The following BCL2L13 variants were observed in gnomAD, a reference collection of about 807,000 sequenced individuals.
BCL2L13 encodes the protein bcl-2-like protein 13.
Under a neutral mutation model 25.8 loss-of-function variants are expected in BCL2L13, and 13 were observed. The ratio of observed to expected loss-of-function variants is 0.50; its 90% CI spans 0.33 to 0.80. BCL2L13 has a LOEUF of 0.80. Ranked by LOEUF, BCL2L13 falls within the 30% of genes least tolerant of loss-of-function variation. The pLI, the probability that BCL2L13 is intolerant of heterozygous loss-of-function variation, is 0.02. For synonymous variants in BCL2L13, 244 were observed against 230.3 expected, an observed-to-expected ratio of 1.06 and a Z score of -0.54; for missense variants, 504 against 574.9, an observed-to-expected ratio of 0.88 and a Z score of 1.26.
At chr22:17,710,657 A>G (rs1056268566) in intron 6 of BCL2L13, among the ~76,000 whole-genome samples, 1 of 151,984 alleles carries the variant, frequency 6.6e-6, no homozygotes, top group Non-Finnish European at 1.5e-5. Flanking sequence ...TGGGCAGATC[A>G]CGAGGTCAGG....
At position 17,680,215 on chromosome 22, in the gene BCL2L13, C is replaced by CA. The variant is rs71201867; in HGVS notation, c.122-2985dup. ...GGGCAGCAAGGGCGTAACTCTCTCTCAAAAAAAAAAAAAAGCTGGGCACGG... is the reference window on the plus strand; with the variant it reads ...GGGCAGCAAGGGCGTAACTCTCTCTCAAAAAAAAAAAAAAAGCTGGGCACGG... On this transcript the variant is annotated intron_variant, in intron 2 of 6. Transcript: ENST00000317582. Among the ~76,000 whole-genome samples, 67 of 67,050 alleles carry CA rather than the reference C, an allele frequency of 1.0e-3. 2 individuals carry two copies. The highest frequency in any genetic ancestry group is 6.0e-3 in the South Asian group (10 of 1,654). 44.0% of individuals were successfully genotyped at this position (67,050 alleles called of 152,430 possible). A position where few individuals can be genotyped will look rare whatever the true frequency, so the allele number is the denominator to read the frequency against.
chr22:17,678,974 G>A (rs1401803894), intron 2 of BCL2L13, among the ~76,000 whole-genome samples: 1 of 152,090 alleles, frequency 6.6e-6, no homozygotes, highest in East Asian at 1.9e-4. Flanking sequence ...CCCAGGTAGG[G>A]GCTTCATTGT....
chr22:17,682,657 A>G (rs1443797045), intron 2 of BCL2L13, among the ~76,000 whole-genome samples: 1 of 152,134 alleles, frequency 6.6e-6, no homozygotes, highest in East Asian at 1.9e-4. Context: ...ATTCAGCTCA[A>G]TTTCCCTGTT....
At chr22:17,722,378 G>GCGCGTGT (rs1491171137) in intron 6 of BCL2L13, among the ~76,000 whole-genome samples, 1 of 122,066 alleles carries the variant, frequency 8.2e-6, no homozygotes. Flanking sequence ...AGACTACAGG[G>GCGCGTGT]GTGTGTGTGT....
intron 3 of BCL2L13, among the ~76,000 whole-genome samples, chr22:17,683,679 A>G (rs1295778458): frequency 6.6e-6 from 1 of 152,116 alleles, no homozygotes; most frequent in Non-Finnish European, 1.5e-5. Flanking sequence ...ATACGCTTTT[A>G]TTTTTGCATA....
chr22:17,629,218 G>A (rs2057952645), intron 1 of BCL2L13, among the ~76,000 whole-genome samples: 1 of 152,024 alleles, frequency 6.6e-6, no homozygotes, highest in Admixed American at 6.6e-5. Context: ...AAAAAAAAAG[G>A]GGGATACATG....
At chr22:17,654,043 C>T (rs541061144) in intron 1 of BCL2L13, among the ~76,000 whole-genome samples, 1 of 152,168 alleles carries the variant, frequency 6.6e-6, no homozygotes, top group South Asian at 2.1e-4. Context: ...GAGTACCTTG[C>T]AGCTTAATAA....
At chr22:17,726,604 T>C (rs1447830442) in intron 6 of BCL2L13, 73 bp from the exon 7 acceptor site, 6 of 1,508,776 alleles carry the variant, frequency 4.0e-6, no homozygotes, top group Non-Finnish European at 5.4e-6. Context: ...GGAAAGAATT[T>C]GCTTTCCAGA....
At chr22:17,642,675 C>T (rs1446602463) in intron 1 of BCL2L13, among the ~76,000 whole-genome samples, 1 of 151,750 alleles carries the variant, frequency 6.6e-6, no homozygotes, top group Non-Finnish European at 1.5e-5. Context: ...CTCACCTCAA[C>T]CTCTGCCTCC....
chr22:17,633,508 TCAC>T (rs1039716172), intron 1 of BCL2L13, among the ~76,000 whole-genome samples: 2 of 152,142 alleles, frequency 1.3e-5, no homozygotes, highest in Non-Finnish European at 2.9e-5. Context: ...ATTTGTGGCT[TCAC>T]CAAAGTCACT....
intron 1 of BCL2L13, among the ~76,000 whole-genome samples, chr22:17,650,100 C>A (rs1459824160): frequency 1.3e-5 from 2 of 151,778 alleles, no homozygotes; most frequent in Non-Finnish European, 1.5e-5. Context: ...GAACTCCTGA[C>A]CTCAGGTGAT....
upstream of BCL2L13, among the ~76,000 whole-genome samples, chr22:17,635,917 G>T (rs1249951328): frequency 6.6e-6 from 1 of 151,624 alleles, no homozygotes; most frequent in Non-Finnish European, 1.5e-5. Flanking sequence ...CACTGTGTTG[G>T]CCAGGATGGT....
At chr22:17,644,151 T>C (rs2058390268) in intron 1 of BCL2L13, among the ~76,000 whole-genome samples, 1 of 151,018 alleles carries the variant, frequency 6.6e-6, no homozygotes, top group African/African-American at 2.5e-5. Flanking sequence ...CCTTAGGTGA[T>C]CTGCCCATCT....
At chr22:17,659,096 TG>T (rs2058986742) in intron 2 of BCL2L13, among the ~76,000 whole-genome samples, 1 of 124,700 alleles carries the variant, frequency 8.0e-6, no homozygotes, top group Non-Finnish European at 1.7e-5. Flanking sequence ...CCAGGCACGG[TG>T]GCTCACGCCT....
chr22:17,691,016 T>A (rs1001592667), intron 4 of BCL2L13, among the ~76,000 whole-genome samples: 9 of 151,840 alleles, frequency 5.9e-5, no homozygotes, highest in African/African-American at 9.7e-5. Context: ...CTTCTTTCTT[T>A]TTTATTTATT....
chr22:17,660,963 G>C (rs529472377), intron 2 of BCL2L13, among the ~76,000 whole-genome samples: 1 of 141,852 alleles, frequency 7.0e-6, no homozygotes, highest in Non-Finnish European at 1.6e-5. Context: ...TTTTTTAGTA[G>C]AGACGGGGCT....
intron 6 of BCL2L13, among the ~76,000 whole-genome samples, chr22:17,705,999 T>G (rs1039020242): frequency 6.6e-6 from 1 of 152,204 alleles, no homozygotes; most frequent in African/African-American, 2.4e-5. Flanking sequence ...ATATTTTGTT[T>G]TCTGAATTAT....
rs556593063 is a variant in BCL2L13 at position 17,707,654 on chromosome 22, G to GAT, written c.600+5278_600+5279dup. Reference sequence around the variant, plus strand: ...TCCAAAACAGCTCTTTTTCTTGACAGATATATATATAAAGTCTGAGAAGTA... The same window carrying GAT: ...TCCAAAACAGCTCTTTTTCTTGACAGATATATATATATAAAGTCTGAGAAGTA... On this transcript the variant is annotated intron_variant, in intron 6 of 6. Transcript: ENST00000317582. Among the ~76,000 whole-genome samples, 10 of 152,190 alleles carry GAT rather than the reference G, an allele frequency of 6.6e-5. No homozygotes were observed. In the East Asian group the frequency reaches 1.5e-3, roughly 23 times the overall value.
In BCL2L13 at chr22:17,632,281, C is replaced by T. The variant is rs138077940; in HGVS notation, c.-650+3276C>T. ...GTTCCTTGTAGGACAGATTGGTGTA[C>T]ATATTGGTATATATATTTGAGAGTA... On this transcript the variant is annotated intron_variant, in intron 1 of 6. Coordinates refer to the BCL2L13 transcript ENST00000399782. Among the ~76,000 whole-genome samples, 23 of 152,046 alleles carry T rather than the reference C, an allele frequency of 1.5e-4. No individual in the cohort carries two copies. In the East Asian group the frequency reaches 3.9e-3, roughly 26 times the overall value.
Sources: allele counts gnomAD v4.1 joint callset (sites outside exome capture counted in the v4.1 genomes callset), GRCh38; gene constraint gnomAD v4.1.1; transcripts MANE v1.5; gene names NCBI Gene and HGNC (gene_info 2026-07-23, HGNC 2026-07-21).